Variants in NOX5 observed in about 807,000 individuals in gnomAD.
The protein encoded by NOX5 is NADPH oxidase, EF-hand calcium binding domain 5.
A neutral mutation model predicts 85.7 loss-of-function variants in NOX5; 76 were observed. That is an observed-to-expected ratio of 0.89 (90% CI 0.74 to 1.07). NOX5 has a LOEUF of 1.07. Among genes scored for constraint, NOX5 ranks in the 50% least tolerant of loss-of-function variants. The probability of loss-of-function intolerance (pLI) is 0.00; values close to 1 mark genes in which losing one functional copy is unlikely to be tolerated. For synonymous variants in NOX5, 405 were observed against 401.4 expected, an observed-to-expected ratio of 1.01 and a Z score of -0.11; for missense variants, 973 against 999.5, an observed-to-expected ratio of 0.97 and a Z score of 0.36.
chr15:69,031,449 C>A, intron 3 of NOX5, 69 bp from the exon 4 acceptor site: 1 of 1,520,486 alleles, frequency 6.6e-7, no homozygotes, highest in Non-Finnish European at 8.9e-7. Flanking sequence ...ATGGTCTATA[C>A]CCCCAAGGAA....
chr15:69,056,851 C>A lies in NOX5; in HGVS notation c.*155C>A. 2 of 875,682 alleles carry A rather than the reference C, an allele frequency of 2.3e-6. No homozygotes were observed. Among genetic ancestry groups the A allele is most frequent in the South Asian group, 3.9e-5 (2 of 51,304 alleles). The allele number at this position is 875,682 out of a possible 1,614,324, so 54.2% of individuals were successfully genotyped here. A position where few individuals can be genotyped will look rare whatever the true frequency, so the allele number is the denominator to read the frequency against. ...CTGCTCAACAGAGAGAACAGGAGACCCCAAGGGGCAGATGAACTTCCTCTA... is the reference window on the plus strand; with the variant it reads ...CTGCTCAACAGAGAGAACAGGAGACACCAAGGGGCAGATGAACTTCCTCTA... On this transcript the variant is annotated 3_prime_UTR_variant, in exon 16 of 16. Coordinates refer to ENST00000388866, the MANE Select transcript of NOX5 (RefSeq NM_024505.4).
chr15:69,044,292 C>T (rs913672975), intron 10 of NOX5, among the ~76,000 whole-genome samples: 3 of 152,082 alleles, frequency 2.0e-5, no homozygotes, highest in African/African-American at 7.3e-5. Flanking sequence ...AGGTTCTGTT[C>T]TAGATGCTGG....
chr15:69,015,765 G>T (rs1413156482), intron 1 of NOX5, among the ~76,000 whole-genome samples: 1 of 152,170 alleles, frequency 6.6e-6, no homozygotes, highest in East Asian at 1.9e-4. Flanking sequence ...CCAAAGGGTG[G>T]CTATAAGTCA....
chr15:69,036,862 C>T (rs915476257), intron 7 of NOX5, among the ~76,000 whole-genome samples, 166 bp from the exon 8 acceptor site: 3 of 152,082 alleles, frequency 2.0e-5, no homozygotes, highest in African/African-American at 7.2e-5. Flanking sequence ...GCCAAGCACC[C>T]AGAAAAAGAA....
At chr15:69,038,511 C>T (rs1407093713) in intron 8 of NOX5, 1 of 355,172 alleles carries the variant, frequency 2.8e-6, no homozygotes, top group African/African-American at 2.1e-5. Flanking sequence ...TAGCCACACT[C>T]TGGCTGAAGT....
At chr15:69,022,983 A>G (rs750211500) in intron 1 of NOX5, 1 of 511,284 alleles carries the variant, frequency 2.0e-6, no homozygotes, top group Admixed American at 2.1e-5. Context: ...GTTGTTTGAT[A>G]GCCTCACCTT....
chr15:69,047,834 C>A lies in NOX5; in HGVS notation c.1822C>A (p.Gln608Lys). 1 of 1,614,158 alleles carries A rather than the reference C, an allele frequency of 6.2e-7. No individual in the cohort carries two copies. Among genetic ancestry groups the A allele is most frequent in the South Asian group, 1.1e-5 (1 of 91,072 alleles). ...SILQSIMYRHQKRKHTCPSCQ... is the reference protein window; with the variant it reads ...SILQSIMYRHKKRKHTCPSCQ... ...CTTCCTCCTGCCTCCCCTCAGGCACCAGAAAAGAAAGCATACTTGCCCCAG... is the reference window on the plus strand; with the variant it reads ...CTTCCTCCTGCCTCCCCTCAGGCACAAGAAAAGAAAGCATACTTGCCCCAG... The change falls in exon 13 of 16, where the codon CAG (glutamine) becomes AAG (lysine). Residue 608 changes from glutamine (Q) to lysine (K), a missense_variant. Coordinates refer to ENST00000388866, the MANE Select transcript of NOX5 (RefSeq NM_024505.4).
At chr15:69,028,144 G>A in intron 2 of NOX5, 71 bp from the exon 3 acceptor site, 1 of 1,494,442 alleles carries the variant, frequency 6.7e-7, no homozygotes, top group Non-Finnish European at 9.0e-7. Flanking sequence ...GACACAGGGA[G>A]ACAGTGAACA....
At chr15:69,023,180 G>GACC (rs1351677330) in intron 1 of NOX5, 1 of 302,006 alleles carries the variant, frequency 3.3e-6, no homozygotes, top group African/African-American at 2.3e-5. Context: ...AGACTGTAGA[G>GACC]ACCGCTAAGA....
rs1567099955 is a variant in NOX5 at position 69,035,867 on chromosome 15, T to TCTG, written c.1131_1133dup (p.Leu380dup). On this transcript the variant is annotated inframe_insertion, in exon 7 of 16. Transcript: ENST00000388866. ...GTTCGGCCTCCCCGACAGGTGTCGCTCTGCTGCTGCTGCTCCTCCTCATGT... is the reference window on the plus strand; with the variant it reads ...GTTCGGCCTCCCCGACAGGTGTCGCTCTGCTGCTGCTGCTGCTCCTCCTCATGT... The TCTG allele has an allele frequency of 1.9e-6, 3 of 1,612,000 alleles. No individual in the cohort carries two copies. Among genetic ancestry groups the TCTG allele is most frequent in the Middle Eastern group, 1.7e-4 (1 of 6,056 alleles).
intron 9 of NOX5, among the ~76,000 whole-genome samples, chr15:69,040,874 G>T (rs1003601481): frequency 6.6e-6 from 1 of 152,074 alleles, no homozygotes; most frequent in Non-Finnish European, 1.5e-5. Flanking sequence ...TTTTAGTAGA[G>T]TCTGGATTTC....
intron 1 of NOX5, among the ~76,000 whole-genome samples, 157 bp from the exon 2 acceptor site, chr15:69,026,371 G>A (rs1255576532): frequency 2.6e-5 from 4 of 152,154 alleles, no homozygotes; most frequent in Non-Finnish European, 4.4e-5. Context: ...AAACGGCTGT[G>A]GGAAGCTCCA....
rs186055858 is a variant in NOX5 at position 69,038,267 on chromosome 15, A to G, written c.1372-590A>G. The stretch of plus-strand genomic sequence containing the variant: ...AAGAATGAGGCTGTGCTCTGTGTCT[A>G]GGCTCTGGCATCCAACAGCCTCAGC... On this transcript the variant is annotated intron_variant, in intron 8 of 15. Coordinates refer to ENST00000388866, the MANE Select transcript of NOX5 (RefSeq NM_024505.4). 1,312 of 162,614 alleles carry G rather than the reference A, an allele frequency of 8.1e-3. 10 individuals are homozygous for G. Among genetic ancestry groups the G allele is most frequent in the Non-Finnish European group, 0.011 (834 of 76,110 alleles). 10.1% of individuals were successfully genotyped at this position (162,614 alleles called of 1,614,324 possible).
chr15:69,026,389 G>A, intron 1 of NOX5, 139 bp from the exon 2 acceptor site: 1 of 1,004,334 alleles, frequency 1.0e-6, no homozygotes, highest in Non-Finnish European at 1.5e-6. Flanking sequence ...CCAATCCACA[G>A]CCAGAACTGA....
intron 14 of NOX5, among the ~76,000 whole-genome samples, chr15:69,051,852 T>TA (rs904282314): frequency 2.8e-4 from 42 of 151,844 alleles, no homozygotes; most frequent in South Asian, 1.0e-3. Context: ...GTTTTTTTTT[T>TA]AAAAAAAGAT....
In NOX5 at chr15:69,047,541, G is replaced by A. The variant is rs1567106388; in HGVS notation, c.1817+4G>A. On this transcript the variant is annotated splice_donor_region_variant and intron_variant, in intron 12 of 15. Coordinates refer to ENST00000388866, the MANE Select transcript of NOX5 (RefSeq NM_024505.4). Reference sequence around the variant, plus strand: ...TTCTGCAGAGTATCATGTACAGGTGGGTGAACAGTGTGCTCCTGCCTGCAT... The same window carrying A: ...TTCTGCAGAGTATCATGTACAGGTGAGTGAACAGTGTGCTCCTGCCTGCAT... The A allele has an allele frequency of 6.2e-7, 1 of 1,612,992 alleles. No individual in the cohort carries two copies. Among genetic ancestry groups the A allele is most frequent in the Non-Finnish European group, 8.5e-7 (1 of 1,179,504 alleles).
intron 3 of NOX5, chr15:69,028,640 G>A (rs1257370084): frequency 3.5e-6 from 1 of 287,944 alleles, no homozygotes; most frequent in East Asian, 6.1e-5. Flanking sequence ...CAACTTACCA[G>A]AGGCCAGAAC....
chr15:69,052,586 G>A (rs915064716), intron 14 of NOX5, among the ~76,000 whole-genome samples: 1 of 152,190 alleles, frequency 6.6e-6, no homozygotes, highest in African/African-American at 2.4e-5. Flanking sequence ...ATTATCACAA[G>A]GTTGTCATGA....
At chr15:69,033,351 A>T (rs1487498678) in intron 5 of NOX5, 74 bp downstream of exon 5, 1 of 1,480,578 alleles carries the variant, frequency 6.8e-7, no homozygotes, top group Non-Finnish European at 9.0e-7. Context: ...AGACAGAGCG[A>T]CCCACAGAGG....
Sources: allele counts gnomAD v4.1 joint callset (sites outside exome capture counted in the v4.1 genomes callset), GRCh38; gene constraint gnomAD v4.1.1; transcripts MANE v1.5; gene names NCBI Gene and HGNC (gene_info 2026-07-23, HGNC 2026-07-21).